Variants in GAREM1 observed in about 807,000 individuals in gnomAD.
GAREM1 encodes GRB2 associated regulator of MAPK1 subtype 1.
GAREM1 carries 26 observed loss-of-function variants against 71.3 expected under a neutral mutation model. The observed-to-expected ratio is 0.36, with a 90% CI of 0.27 to 0.51. GAREM1 has a LOEUF of 0.51. Among genes scored for constraint, GAREM1 ranks in the 20% least tolerant of loss-of-function variants. The pLI, the probability that GAREM1 is intolerant of heterozygous loss-of-function variation, is 0.95. For missense variants in GAREM1, 1,026 were observed against 1,103.1 expected (o/e 0.93, Z 0.99); for synonymous variants, 440 against 433.2 (o/e 1.02, Z -0.20).
chr18:32,385,861 T>C (rs973418178), intron 2 of GAREM1, among the ~76,000 whole-genome samples: 8 of 152,118 alleles, frequency 5.3e-5, no homozygotes, highest in African/African-American at 7.2e-5. Context: ...ATATAGATAA[T>C]AGCACCCATT....
intron 3 of GAREM1, among the ~76,000 whole-genome samples, chr18:32,291,739 G>A (rs1464154034): frequency 6.6e-6 from 1 of 151,570 alleles, no homozygotes; most frequent in Non-Finnish European, 1.5e-5. Context: ...AGAACATGCA[G>A]TGTTTGGTTT....
At chr18:32,396,252 G>C (rs1018344977) in intron 1 of GAREM1, among the ~76,000 whole-genome samples, 2 of 152,208 alleles carry the variant, frequency 1.3e-5, no homozygotes, top group Non-Finnish European at 2.9e-5. Flanking sequence ...AAAAATCAGA[G>C]CACCTCTCCC....
At chr18:32,381,663 T>C (rs1290994645) in intron 2 of GAREM1, among the ~76,000 whole-genome samples, 1 of 152,200 alleles carries the variant, frequency 6.6e-6, no homozygotes, top group African/African-American at 2.4e-5. Context: ...TCCTGACCAA[T>C]TTAACTCACC....
intron 2 of GAREM1, among the ~76,000 whole-genome samples, chr18:32,390,945 A>T (rs552437423): frequency 6.6e-6 from 1 of 152,202 alleles, no homozygotes; most frequent in Non-Finnish European, 1.5e-5. Flanking sequence ...GAGATCCCTA[A>T]GTCAAACACC....
chr18:32,329,110 T>C (rs1437765925), intron 2 of GAREM1, among the ~76,000 whole-genome samples: 1 of 152,076 alleles, frequency 6.6e-6, no homozygotes, highest in Non-Finnish European at 1.5e-5. Flanking sequence ...GTGGCTCACA[T>C]CTGTAATCCC....
rs1007968095 is a variant in GAREM1 at position 32,412,954 on chromosome 18, T to C, written c.122-19919A>G. On this transcript the variant is annotated intron_variant, in intron 1 of 5. Transcript: ENST00000269209. Reference sequence around the variant, plus strand: ...ACTCTTCCATCCACCTTGTGTGGCCTTGCATTCATAGCTGCATCCACCTCC... The same window carrying C: ...ACTCTTCCATCCACCTTGTGTGGCCCTGCATTCATAGCTGCATCCACCTCC... 220 of 1,189,966 alleles carry C rather than the reference T, an allele frequency of 1.8e-4. 1 individual carries two copies. The highest frequency in any genetic ancestry group is 1.4e-3 in the South Asian group (109 of 80,572). 73.7% of individuals were successfully genotyped at this position (1,189,966 alleles called of 1,614,324 possible). A position where few individuals can be genotyped will look rare whatever the true frequency, so the allele number is the denominator to read the frequency against.
intron 1 of GAREM1, among the ~76,000 whole-genome samples, chr18:32,395,559 T>C (rs2144663062): frequency 6.6e-6 from 1 of 152,344 alleles, no homozygotes; most frequent in Admixed American, 6.5e-5. Context: ...AACAAACATT[T>C]TTTATCTTTT....
intron 1 of GAREM1, among the ~76,000 whole-genome samples, chr18:32,415,402 AAAACAAAC>A (rs141783432): frequency 7.4e-4 from 113 of 152,048 alleles, no homozygotes; most frequent in African/African-American, 2.5e-3. Context: ...AAGGCACATC[AAAACAAAC>A]AAACAAACAA....
chr18:32,304,715 T>C (rs1056811728), intron 3 of GAREM1, among the ~76,000 whole-genome samples: 4 of 152,194 alleles, frequency 2.6e-5, no homozygotes, highest in African/African-American at 9.6e-5. Context: ...CTCCATTTTG[T>C]AGGTAAAGAC....
chr18:32,337,541 C>G (rs1291554530), intron 2 of GAREM1, among the ~76,000 whole-genome samples: 1 of 152,200 alleles, frequency 6.6e-6, no homozygotes, highest in Non-Finnish European at 1.5e-5. Context: ...GGCTTCCCAT[C>G]TGCATTAGTC....
At chr18:32,305,639 C>A (rs2047246438) in intron 3 of GAREM1, among the ~76,000 whole-genome samples, 1 of 152,196 alleles carries the variant, frequency 6.6e-6, no homozygotes. Context: ...CCTGCCTCAG[C>A]CTCCCAAGTA....
chr18:32,334,085 G>A (rs1468268699), intron 2 of GAREM1, among the ~76,000 whole-genome samples: 1 of 152,208 alleles, frequency 6.6e-6, no homozygotes, highest in African/African-American at 2.4e-5. Context: ...TCGGAAAGAA[G>A]CTGGTGTCCC....
chr18:32,461,697 AAAAT>A (rs1555649060), intron 1 of GAREM1, among the ~76,000 whole-genome samples: 23 of 152,186 alleles, frequency 1.5e-4, no homozygotes, highest in Non-Finnish European at 2.9e-4. Flanking sequence ...TCTGTCTCAA[AAAAT>A]AAATAAATAA....
At chr18:32,351,699 CTCTT>C (rs942502749) in intron 2 of GAREM1, among the ~76,000 whole-genome samples, 7 of 144,790 alleles carry the variant, frequency 4.8e-5, no homozygotes, top group African/African-American at 1.3e-4. Flanking sequence ...AATACCCTCT[CTCTT>C]TTTTTTTTTT....
At chr18:32,307,323 G>A (rs557574734) in intron 3 of GAREM1, among the ~76,000 whole-genome samples, 13 of 152,260 alleles carry the variant, frequency 8.5e-5, no homozygotes, top group Middle Eastern at 3.4e-3. Context: ...TGTATCTGAA[G>A]TAGAAGAGAG....
chr18:32,270,942 C>T (rs930226497), intron 4 of GAREM1, among the ~76,000 whole-genome samples: 5 of 125,952 alleles, frequency 4.0e-5, no homozygotes, highest in African/African-American at 1.1e-4. Flanking sequence ...CACTCTGTCG[C>T]GCAGGTTGGA....
intron 4 of GAREM1, among the ~76,000 whole-genome samples, chr18:32,275,740 G>A (rs546156636): frequency 2.5e-4 from 38 of 152,176 alleles, no homozygotes; most frequent in Non-Finnish European, 4.3e-4. Flanking sequence ...GTGCAATGGC[G>A]CGATCTCAGC....
At chr18:32,329,574 C>T (rs61517062) in intron 2 of GAREM1, among the ~76,000 whole-genome samples, 7,368 of 151,366 alleles carry the variant, frequency 0.049, 573 homozygotes, top group African/African-American at 0.16. Flanking sequence ...GGTGTGGTGG[C>T]GCATGCCTGT....
intron 1 of GAREM1, among the ~76,000 whole-genome samples, chr18:32,401,651 C>T (rs1476410875): frequency 3.3e-5 from 5 of 152,072 alleles, no homozygotes; most frequent in South Asian, 2.1e-4. Flanking sequence ...ATTAATCTGG[C>T]GGAACTCTAA....
Sources: allele counts gnomAD v4.1 joint callset (sites outside exome capture counted in the v4.1 genomes callset), GRCh38; gene constraint gnomAD v4.1.1; transcripts MANE v1.5; gene names NCBI Gene and HGNC (gene_info 2026-07-23, HGNC 2026-07-21).